PRR5L: variants seen among roughly 807,000 people sequenced by gnomAD.
PRR5L encodes proline rich 5 like.
A neutral mutation model predicts 36.4 loss-of-function variants in PRR5L; 21 were observed. The ratio of observed to expected loss-of-function variants is 0.58; its 90% CI spans 0.41 to 0.83. The LOEUF is 0.83. Among genes scored for constraint, PRR5L ranks in the 40% least tolerant of loss-of-function variants. PRR5L has a pLI of 0.00. For synonymous variants in PRR5L, 188 were observed against 197.0 expected (o/e 0.95, Z 0.38); for missense variants, 381 against 473.3 (o/e 0.80, Z 1.81).
chr11:36,420,908 A>T (rs1858251848), intron 4 of PRR5L, among the ~76,000 whole-genome samples: 1 of 151,722 alleles, frequency 6.6e-6, no homozygotes, highest in African/African-American at 2.4e-5. Flanking sequence ...GGACAAACCA[A>T]GACCCAACAG....
intron 1 of PRR5L, among the ~76,000 whole-genome samples, chr11:36,306,461 C>T (rs1386907718): frequency 6.6e-6 from 1 of 152,154 alleles, no homozygotes; most frequent in Non-Finnish European, 1.5e-5. Context: ...ATATATGCCA[C>T]ATTTTCTTAA....
At chr11:36,450,279 C>T (rs1858916727) in intron 7 of PRR5L, among the ~76,000 whole-genome samples, 1 of 152,220 alleles carries the variant, frequency 6.6e-6, no homozygotes, top group African/African-American at 2.4e-5. Context: ...AGAGTCTACT[C>T]CATTTCGAGA....
In PRR5L at chr11:36,464,517, TCAAA is replaced by T. The variant is rs909730123; in HGVS notation, c.*1790_*1793del. 6.6e-6 allele frequency: 1 copy of T among 152,202 alleles called. No homozygotes were observed. The highest frequency in any genetic ancestry group is 1.5e-5 in the Non-Finnish European group (1 of 68,036). The allele number at this position is 152,202 out of a possible 1,614,324, so 9.4% of individuals were successfully genotyped here. On this transcript the variant is annotated 3_prime_UTR_variant, in exon 9 of 9. Coordinates refer to ENST00000530639, the MANE Select transcript of PRR5L (RefSeq NM_001160167.2). ...GAGATCTGCTGATCTGCTGAGAGTT[TCAAA>T]CAAACAAAAAAATAATCTCTATGTA... is the stretch of plus-strand genomic sequence containing the variant.
rs560518438 is a variant in PRR5L at position 36,465,012 on chromosome 11, A to G, written c.*2276A>G. On this transcript the variant is annotated 3_prime_UTR_variant, in exon 9 of 9. Transcript: ENST00000530639. ...TGGTCATGTTAGCTATCAGAGAGCT[A>G]TTGGAGTGAGAGCTGAGGTGTCCTT... 4 of 152,334 alleles carry G rather than the reference A, an allele frequency of 2.6e-5. No individual in the cohort carries two copies. The highest frequency in any genetic ancestry group is 2.1e-4 in the South Asian group (1 of 4,832). 9.4% of individuals were successfully genotyped at this position (152,334 alleles called of 1,614,324 possible). A position where few individuals can be genotyped will look rare whatever the true frequency, so the allele number is the denominator to read the frequency against.
chr11:36,430,813 ATGTAGCTGAGCTGGAACTT>A (rs1858477785), intron 4 of PRR5L, among the ~76,000 whole-genome samples: 1 of 152,244 alleles, frequency 6.6e-6, no homozygotes, highest in Admixed American at 6.5e-5. Context: ...CACAGCTAGA[ATGTAGCTGAGCTGGAACTT>A]GAACTGATAC....
intron 1 of PRR5L, among the ~76,000 whole-genome samples, chr11:36,303,628 C>T (rs1185390494): frequency 6.6e-6 from 1 of 152,188 alleles, no homozygotes; most frequent in East Asian, 1.9e-4. Flanking sequence ...AACCACAGCT[C>T]CTGGTCCCTT....
intron 1 of PRR5L, among the ~76,000 whole-genome samples, chr11:36,299,976 T>C (rs1379101238): frequency 6.6e-6 from 1 of 152,216 alleles, no homozygotes; most frequent in East Asian, 1.9e-4. Context: ...AGGAGCTTTC[T>C]TAAGTATGTT....
At chr11:36,366,580 A>G (rs1438259456) in intron 1 of PRR5L, among the ~76,000 whole-genome samples, 1 of 152,218 alleles carries the variant, frequency 6.6e-6, no homozygotes, top group Non-Finnish European at 1.5e-5. Context: ...TATAAATGTG[A>G]TTTTAGGTAG....
At chr11:36,369,340 G>A (rs1236398085) in intron 1 of PRR5L, among the ~76,000 whole-genome samples, 1 of 152,134 alleles carries the variant, frequency 6.6e-6, no homozygotes, top group Non-Finnish European at 1.5e-5. Flanking sequence ...TATATAGCAC[G>A]TGGGTTCCTT....
At chr11:36,360,551 T>C (rs1651866705) in intron 1 of PRR5L, among the ~76,000 whole-genome samples, 1 of 152,050 alleles carries the variant, frequency 6.6e-6, no homozygotes, top group South Asian at 2.1e-4. Context: ...TATGTGCACA[T>C]GTAACATCGC....
chr11:36,303,701 G>A (rs1237534935), intron 1 of PRR5L, among the ~76,000 whole-genome samples: 1 of 152,194 alleles, frequency 6.6e-6, no homozygotes, highest in Non-Finnish European at 1.5e-5. Flanking sequence ...GTATGCACCT[G>A]TCTGTGTTTC....
At chr11:36,304,619 C>G (rs910287397) in intron 1 of PRR5L, among the ~76,000 whole-genome samples, 3 of 152,184 alleles carry the variant, frequency 2.0e-5, no homozygotes, top group African/African-American at 7.2e-5. Context: ...AGTAAACATA[C>G]AGTTATAATT....
intron 1 of PRR5L, among the ~76,000 whole-genome samples, chr11:36,324,481 A>G (rs920307467): frequency 6.6e-6 from 1 of 152,228 alleles, no homozygotes; most frequent in Non-Finnish European, 1.5e-5. Flanking sequence ...GGGTGTGTAC[A>G]TATGTAGAAA....
At chr11:36,309,622 A>G (rs139362710) in intron 1 of PRR5L, among the ~76,000 whole-genome samples, 2 of 33,832 alleles carry the variant, frequency 5.9e-5, no homozygotes, top group Admixed American at 2.1e-4. Context: ...GGTGGTAGTG[A>G]GCATGATGGT....
intron 1 of PRR5L, chr11:36,376,097 C>T (rs1857253444): frequency 3.7e-5 from 46 of 1,252,334 alleles, no homozygotes; most frequent in Non-Finnish European, 4.5e-5. Flanking sequence ...GCTGCATCCT[C>T]CTCGGCAATT....
intron 1 of PRR5L, among the ~76,000 whole-genome samples, chr11:36,375,185 G>A (rs1477853226): frequency 1.3e-5 from 2 of 151,148 alleles, no homozygotes; most frequent in South Asian, 2.1e-4. Context: ...GCAGGGAGCC[G>A]AGATCATGCC....
chr11:36,372,966 TGC>T (rs1857212007), intron 1 of PRR5L, among the ~76,000 whole-genome samples: 4 of 134,944 alleles, frequency 3.0e-5, no homozygotes, highest in African/African-American at 5.6e-5. Flanking sequence ...GCTTTTGCGC[TGC>T]CTAATAGTTG....
At chr11:36,400,017 C>A (rs1361229755) in intron 1 of PRR5L, among the ~76,000 whole-genome samples, 2 of 152,236 alleles carry the variant, frequency 1.3e-5, no homozygotes, top group Admixed American at 1.3e-4. Context: ...AGTTAAGACT[C>A]AAACCTGAAG....
rs146693440 is a variant in PRR5L at position 36,422,122 on chromosome 11, G to T, written c.294+2819G>T. Among the ~76,000 whole-genome samples the T allele has an allele frequency of 2.2e-4, 34 of 152,302 alleles. 1 individual carries two copies. In the East Asian group the frequency reaches 6.6e-3, roughly 29 times the overall value. ...TGGCTCTGGCCCTAGTCATGCAGGT[G>T]GTTCAACAGAGACTCAGATTTGGAA... is the stretch of plus-strand genomic sequence containing the variant. On this transcript the variant is annotated intron_variant, in intron 4 of 8. Coordinates refer to ENST00000530639, the MANE Select transcript of PRR5L (RefSeq NM_001160167.2).
Sources: allele counts gnomAD v4.1 joint callset (sites outside exome capture counted in the v4.1 genomes callset), GRCh38; gene constraint gnomAD v4.1.1; transcripts MANE v1.5; gene names NCBI Gene and HGNC (gene_info 2026-07-23, HGNC 2026-07-21).